The following MGMT variants were observed in gnomAD, a reference collection of about 807,000 sequenced individuals.
MGMT encodes the protein O-6-methylguanine-DNA methyltransferase, also known as methylated-DNA--protein-cysteine methyltransferase.
In MGMT, 14 loss-of-function variants were observed where a neutral mutation model predicts 15.9. The ratio of observed to expected loss-of-function variants is 0.88; its 90% CI spans 0.58 to 1.37. The LOEUF (loss-of-function observed/expected upper bound fraction) is 1.37. MGMT is among the 40% of genes most tolerant of loss of function. MGMT has a pLI of 0.00. For synonymous variants in MGMT, 130 were observed against 118.2 expected (o/e 1.10, Z -0.65); for missense variants, 282 against 268.1 (o/e 1.05, Z -0.36).
intron 2 of MGMT, among the ~76,000 whole-genome samples, chr10:129,688,137 G>A (rs1326194725): frequency 1.3e-5 from 2 of 152,096 alleles, no homozygotes; most frequent in East Asian, 1.9e-4. Flanking sequence ...TGTGAATAGT[G>A]CCACAGTAAA....
At chr10:129,563,230 G>T (rs1846301023) in intron 2 of MGMT, among the ~76,000 whole-genome samples, 1 of 152,166 alleles carries the variant, frequency 6.6e-6, no homozygotes, top group Non-Finnish European at 1.5e-5. Context: ...CTGTTTGAGT[G>T]CCTGTTACGT....
chr10:129,570,057 T>C (rs1456325242), intron 2 of MGMT, among the ~76,000 whole-genome samples: 2 of 152,234 alleles, frequency 1.3e-5, no homozygotes, highest in Non-Finnish European at 2.9e-5. Flanking sequence ...CATTTCCCTT[T>C]ACCAAGTTAT....
chr10:129,631,150 CT>C (rs202003685), intron 2 of MGMT, among the ~76,000 whole-genome samples: 4,629 of 144,790 alleles, frequency 0.032, 210 homozygotes, highest in African/African-American at 0.1. Flanking sequence ...AACCAGTCTG[CT>C]TTTTTTTTTT....
At chr10:129,759,879 C>T (rs1458094721) in intron 4 of MGMT, among the ~76,000 whole-genome samples, 5 of 152,166 alleles carry the variant, frequency 3.3e-5, no homozygotes, top group East Asian at 1.9e-4. Context: ...CGTGAGCACA[C>T]GAGGCAGGAG....
intron 2 of MGMT, among the ~76,000 whole-genome samples, chr10:129,602,842 A>G (rs1232848716): frequency 6.6e-6 from 1 of 152,104 alleles, no homozygotes; most frequent in African/African-American, 2.4e-5. Context: ...CAGAAATGTC[A>G]CATACTGCTT....
rs924379634 is a variant in MGMT at position 129,769,772 on chromosome 10, C to T, written c.*2775C>T. ...CTGCATTCCACGTGTCCTGTGGCCG[C>T]CTCCAGTGGTGAGTCTGTGAGGCCA... On this transcript the variant is annotated 3_prime_UTR_variant, in exon 5 of 5. Coordinates refer to ENST00000651593, the MANE Select transcript of MGMT (RefSeq NM_002412.5). Among the ~76,000 whole-genome samples, 1 of 152,184 alleles carries T rather than the reference C, an allele frequency of 6.6e-6. No individual in the cohort carries two copies. The highest frequency in any genetic ancestry group is 2.4e-5 in the African/African-American group (1 of 41,440).
intron 3 of MGMT, among the ~76,000 whole-genome samples, chr10:129,756,609 G>A (rs1348799168): frequency 6.6e-6 from 1 of 152,158 alleles, no homozygotes; most frequent in Non-Finnish European, 1.5e-5. Context: ...AGCTGGGACT[G>A]CAGACGAGCA....
chr10:129,496,250 G>C (rs1161799344), intron 1 of MGMT, among the ~76,000 whole-genome samples: 1 of 152,018 alleles, frequency 6.6e-6, no homozygotes, highest in Non-Finnish European at 1.5e-5. Flanking sequence ...CCTCCAAAAG[G>C]GGATGGACTT....
At chr10:129,664,606 A>G (rs376767212) in intron 2 of MGMT, among the ~76,000 whole-genome samples, 1 of 152,362 alleles carries the variant, frequency 6.6e-6, no homozygotes, top group East Asian at 1.9e-4. Context: ...TTTTCAAAAT[A>G]CCATGCACCA....
At chr10:129,504,060 T>A (rs1845601486) in intron 1 of MGMT, among the ~76,000 whole-genome samples, 1 of 152,226 alleles carries the variant, frequency 6.6e-6, no homozygotes, top group Non-Finnish European at 1.5e-5. Flanking sequence ...ATTCCTGAAA[T>A]GAAATTCCTG....
intron 2 of MGMT, among the ~76,000 whole-genome samples, chr10:129,699,750 C>T (rs140522608): frequency 1.6e-4 from 25 of 152,276 alleles, no homozygotes; most frequent in African/African-American, 5.5e-4. Context: ...TGCAAGCACT[C>T]ATGGAACCCG....
chr10:129,710,350 C>T (rs1848217834), intron 3 of MGMT, among the ~76,000 whole-genome samples: 1 of 152,202 alleles, frequency 6.6e-6, no homozygotes. Context: ...ATCCTTCTCT[C>T]TTGGTGTTCT....
chr10:129,471,398 T>G (rs1845229569), intron 1 of MGMT, among the ~76,000 whole-genome samples: 1 of 152,118 alleles, frequency 6.6e-6, no homozygotes, highest in Non-Finnish European at 1.5e-5. Context: ...TAATCGCTAG[T>G]TATTTATCAT....
chr10:129,698,329 C>A (rs1030564130), intron 2 of MGMT, among the ~76,000 whole-genome samples: 2 of 152,180 alleles, frequency 1.3e-5, no homozygotes, highest in African/African-American at 4.8e-5. Context: ...CAGTGTTGAT[C>A]TCTGTGTATA....
At chr10:129,733,483 C>A (rs1365729546) in intron 3 of MGMT, among the ~76,000 whole-genome samples, 5 of 148,488 alleles carry the variant, frequency 3.4e-5, no homozygotes, top group Admixed American at 6.7e-5. Context: ...GAGTAGGTTG[C>A]GAAAATTTTC....
chr10:129,632,643 C>T (rs1039098503), intron 2 of MGMT, among the ~76,000 whole-genome samples: 9 of 152,154 alleles, frequency 5.9e-5, no homozygotes, highest in African/African-American at 9.7e-5. Context: ...CCTGCTGCTC[C>T]GGGGGATGTC....
intron 1 of MGMT, among the ~76,000 whole-genome samples, chr10:129,491,985 G>A (rs1004888328): frequency 6.6e-6 from 1 of 151,552 alleles, no homozygotes; most frequent in African/African-American, 2.4e-5. Flanking sequence ...TTAAATACAT[G>A]TTTTTGCTTT....
chr10:129,577,515 C>T (rs1846498868), intron 2 of MGMT, among the ~76,000 whole-genome samples: 1 of 152,154 alleles, frequency 6.6e-6, no homozygotes, highest in Admixed American at 6.5e-5. Context: ...CCCTTCCTTA[C>T]ACCTTATACA....
chr10:129,470,288 C>A (rs898244491), intron 1 of MGMT, among the ~76,000 whole-genome samples: 1 of 152,080 alleles, frequency 6.6e-6, no homozygotes, highest in Admixed American at 6.5e-5. Context: ...AAGTTGGAGA[C>A]CTTGTGTTGT....
Sources: allele counts gnomAD v4.1 joint callset (sites outside exome capture counted in the v4.1 genomes callset), GRCh38; gene constraint gnomAD v4.1.1; transcripts MANE v1.5; gene names NCBI Gene and HGNC (gene_info 2026-07-23, HGNC 2026-07-21).